The following TRPC4AP variants were observed in gnomAD, a reference collection of about 807,000 sequenced individuals.
TRPC4AP encodes transient receptor potential cation channel subfamily C member 4 associated protein.
TRPC4AP carries 45 observed loss-of-function variants against 99.0 expected under a neutral mutation model. That is an observed-to-expected ratio of 0.45 (90% CI 0.36 to 0.58). TRPC4AP has a LOEUF of 0.58. Among genes scored for constraint, TRPC4AP ranks in the 20% least tolerant of loss-of-function variants. TRPC4AP has a pLI of 0.00. For synonymous variants in TRPC4AP, 408 were observed against 385.8 expected (o/e 1.06, Z -0.67); for missense variants, 879 against 985.3 (o/e 0.89, Z 1.44).
intron 11 of TRPC4AP, 41 bp downstream of exon 11, chr20:35,012,967 C>T (rs757508442): frequency 6.2e-7 from 1 of 1,607,746 alleles, no homozygotes; most frequent in African/African-American, 1.3e-5. Context: ...CTTCCGAAGA[C>T]AGCCCAACAA....
chr20:35,079,887 T>C (rs1253829729), intron 1 of TRPC4AP, among the ~76,000 whole-genome samples: 1 of 149,098 alleles, frequency 6.7e-6, no homozygotes, highest in Non-Finnish European at 1.5e-5. Context: ...CCAAGGGTGG[T>C]GGTGCACACC....
At chr20:35,023,039 A>G (rs891911952) in intron 8 of TRPC4AP, among the ~76,000 whole-genome samples, 18 of 151,804 alleles carry the variant, frequency 1.2e-4, no homozygotes, top group African/African-American at 1.5e-4. Context: ...AAAAAAAAAA[A>G]AGAGAGAATC....
intron 3 of TRPC4AP, among the ~76,000 whole-genome samples, chr20:35,063,052 C>G (rs2084048249): frequency 6.6e-6 from 1 of 152,186 alleles, no homozygotes; most frequent in African/African-American, 2.4e-5. Flanking sequence ...AGGGTGGGAC[C>G]AGGTGGAGGT....
At chr20:35,073,446 C>T (rs1381461954) in intron 2 of TRPC4AP, among the ~76,000 whole-genome samples, 2 of 152,098 alleles carry the variant, frequency 1.3e-5, no homozygotes, top group Non-Finnish European at 2.9e-5. Context: ...TTTTAAGATA[C>T]GTCCCATCAA....
intron 8 of TRPC4AP, among the ~76,000 whole-genome samples, chr20:35,024,739 G>A (rs1396899103): frequency 6.7e-6 from 1 of 148,454 alleles, no homozygotes; most frequent in African/African-American, 2.5e-5. Flanking sequence ...TGAGGTAGAA[G>A]GATGGCTGAG....
intron 1 of TRPC4AP, among the ~76,000 whole-genome samples, chr20:35,080,605 A>G (rs910337700): frequency 6.6e-6 from 1 of 151,992 alleles, no homozygotes. Flanking sequence ...GATTCTATTA[A>G]TTTAAAATGT....
chr20:35,069,483 T>C (rs974229115), intron 2 of TRPC4AP, 71 bp from the exon 3 acceptor site: 2 of 1,001,484 alleles, frequency 2.0e-6, no homozygotes, highest in Admixed American at 2.0e-5. Flanking sequence ...AAGCATCAGT[T>C]TGAGCTTTAG....
At chr20:35,031,458 A>G in intron 8 of TRPC4AP, among the ~76,000 whole-genome samples, 1 of 134,318 alleles carries the variant, frequency 7.4e-6, no homozygotes, top group Admixed American at 7.7e-5. Context: ...CTGGTCTTGA[A>G]CTCCTGAGCT....
chr20:35,011,642 GTGACTGTGACCC>G (rs1414605824), intron 11 of TRPC4AP, among the ~76,000 whole-genome samples: 1 of 151,944 alleles, frequency 6.6e-6, no homozygotes, highest in Non-Finnish European at 1.5e-5. Context: ...ACAACACCCT[GTGACTGTGACCC>G]ACAACGTCCT....
chr20:35,078,073 G>A lies in TRPC4AP; in HGVS notation c.270C>T (p.Asp90=), dbSNP rs775039951. 3.1e-6 allele frequency: 5 copies of A among 1,613,772 alleles called. No homozygotes were observed. Among genetic ancestry groups the A allele is most frequent in the Admixed American group, 3.3e-5 (2 of 60,016 alleles). The change falls in exon 2 of 19, where the codon GAC becomes GAT. Residue 90 remains aspartate, a synonymous_variant. Coordinates refer to ENST00000252015, the MANE Select transcript of TRPC4AP (RefSeq NM_015638.3). The part of the protein sequence containing the change: ...KLHTTSHLHS[D]FVECQNILKE... ...TGAGGATGTTTTGACACTCAACAAA[G>A]TCACTGTGGAGGTGGCTGGTGGTGT...
rs1479270980 is a variant in TRPC4AP, at chr20:35,024,854, A to AAAAAAAAAAC, written c.1052-3499_1052-3498insGTTTTTTTTT. ...AAAAAAAAAAAAAAAAAAAAAAAAA[A>AAAAAAAAAAC]ATTCTGTTTATTCATTAATCAGGTG... On this transcript the variant is annotated intron_variant, in intron 8 of 18. Transcript: ENST00000252015. 4.5e-5 allele frequency among the ~76,000 whole-genome samples: 4 copies of AAAAAAAAAAC among 89,480 alleles called. 1 individual carries two copies. The highest frequency in any genetic ancestry group is 3.2e-4 in the South Asian group (1 of 3,082). 58.7% of individuals were successfully genotyped at this position (89,480 alleles called of 152,430 possible).
At position 35,049,973 on chromosome 20, in the gene TRPC4AP, A is replaced by T; in HGVS notation, c.550T>A (p.Leu184Met). Residue 184 changes from leucine to methionine, a missense_variant, in exon 6 of 19, where the codon TTG becomes ATG. Around this residue, in one of 3 missense-constraint regions of TRPC4AP, gnomAD observed 603 missense variants for 631.8 expected, o/e 0.95. Coordinates refer to ENST00000252015, the MANE Select transcript of TRPC4AP (RefSeq NM_015638.3). Reference protein sequence around the residue: ...CVCTEGVTKRLAEKNDFVIFL... With the variant: ...CVCTEGVTKRMAEKNDFVIFL... ...ATCACAAAGTCATTCTTTTCTGCCA[A>T]ACGCTTTGTAACTCCCTCTGTCTGT... 6.2e-7 allele frequency: 1 copy of T among 1,613,996 alleles called. No individual in the cohort carries two copies. The highest frequency in any genetic ancestry group is 8.5e-7 in the Non-Finnish European group (1 of 1,179,954).
intron 2 of TRPC4AP, among the ~76,000 whole-genome samples, chr20:35,073,331 A>C (rs1411402146): frequency 1.3e-5 from 2 of 152,154 alleles, no homozygotes; most frequent in Non-Finnish European, 2.9e-5. Flanking sequence ...GAGTGTGCTG[A>C]GAGAGGGCAC....
intron 10 of TRPC4AP, among the ~76,000 whole-genome samples, chr20:35,013,307 G>A (rs929791504): frequency 1.3e-5 from 2 of 152,140 alleles, no homozygotes; most frequent in African/African-American, 2.4e-5. Flanking sequence ...AAGGCGGGGC[G>A]TGGTGGTTAC....
At chr20:35,068,607 T>C (rs541816447) in intron 3 of TRPC4AP, among the ~76,000 whole-genome samples, 16 of 152,192 alleles carry the variant, frequency 1.1e-4, no homozygotes, top group Admixed American at 1.0e-3. Flanking sequence ...CGGCAACCTC[T>C]GCCTCCCGGC....
intron 12 of TRPC4AP, among the ~76,000 whole-genome samples, chr20:35,009,643 TAAAAAACAAA>T: frequency 6.6e-6 from 1 of 152,220 alleles, no homozygotes; most frequent in East Asian, 1.9e-4. Context: ...ACCTTGTGTC[TAAAAAACAAA>T]ACAAAACAAA....
chr20:35,059,356 A>C (rs2083919181), intron 3 of TRPC4AP, among the ~76,000 whole-genome samples: 1 of 152,140 alleles, frequency 6.6e-6, no homozygotes, highest in Admixed American at 6.5e-5. Flanking sequence ...TAAAACTAAA[A>C]ACTGACTTAA....
At chr20:35,045,667 T>A (rs2083544590) in intron 6 of TRPC4AP, among the ~76,000 whole-genome samples, 2 of 151,998 alleles carry the variant, frequency 1.3e-5, no homozygotes, top group Non-Finnish European at 2.9e-5. Flanking sequence ...GCCTCCCAAG[T>A]AGTGGGGATT....
At chr20:35,080,188 A>G (rs1218049732) in intron 1 of TRPC4AP, among the ~76,000 whole-genome samples, 1 of 152,040 alleles carries the variant, frequency 6.6e-6, no homozygotes, top group African/African-American at 2.4e-5. Context: ...CATTATGCTA[A>G]ATCAAAGAAG....
Sources: gnomAD v4.1 joint callset for allele counts (sites outside exome capture counted in the v4.1 genomes callset) on GRCh38, gnomAD v4.1.1 for gene constraint, gnomAD v4.1.1 regional missense constraint, MANE v1.5 for transcripts, NCBI Gene and HGNC (gene_info 2026-07-23, HGNC 2026-07-21) for gene names.